The following DYNC2I1 variants were observed in gnomAD, a reference collection of about 807,000 sequenced individuals.
The protein encoded by DYNC2I1 is dynein 2 intermediate chain 1.
DYNC2I1 carries 89 observed loss-of-function variants against 133.4 expected under a neutral mutation model. The observed-to-expected ratio is 0.67, with a 90% confidence interval of 0.56 to 0.80. The LOEUF (loss-of-function observed/expected upper bound fraction) is 0.80, where lower values mean the gene tolerates loss of function less well. DYNC2I1 is among the 30% of genes least tolerant of loss of function. The probability of loss-of-function intolerance (pLI) is 0.00; values close to 1 mark genes in which losing one functional copy is unlikely to be tolerated. For synonymous variants in DYNC2I1, 504 were observed against 484.3 expected, an observed-to-expected ratio of 1.04 and a Z score of -0.54; for missense variants, 1,291 against 1,314.5, an observed-to-expected ratio of 0.98 and a Z score of 0.28.
chr7:158,948,747 C>T (rs149050307), downstream of DYNC2I1, among the ~76,000 whole-genome samples: 921 of 152,276 alleles, frequency 6.0e-3, 4 homozygotes, highest in African/African-American at 0.021. Flanking sequence ...TTCCATTTGA[C>T]GTAAACTGGA....
Position 158,902,565 on chromosome 7 carries a change from A to G in DYNC2I1, c.1327A>G (p.Arg443Gly), listed in dbSNP as rs1846357667. ...TTTGAAACTGTTTCAGAAGCGAGGT[A>G]GAACAGAATTTGAAAAGGAGCCCAG... is the stretch of plus-strand genomic sequence containing the variant. ...LSLKLFQKRG[R>G]TEFEKEPRTD... Residue 443 changes from arginine to glycine, a missense_variant, in exon 10 of 25, where the codon AGA becomes GGA. Physicochemically the swap from Arg to Gly is moderately radical, Grantham distance 125 (BLOSUM62 -2). Coordinates refer to ENST00000407559, the MANE Select transcript of DYNC2I1 (RefSeq NM_018051.5). 6.2e-7 allele frequency: 1 copy of G among 1,613,894 alleles called. No homozygotes were observed. Among genetic ancestry groups the G allele is most frequent in the Non-Finnish European group, 8.5e-7 (1 of 1,179,900 alleles).
chr7:158,882,671 G>A (rs576471473), intron 5 of DYNC2I1, among the ~76,000 whole-genome samples: 1 of 151,900 alleles, frequency 6.6e-6, no homozygotes. Context: ...TCAGGAGTTC[G>A]AGACCAGCCT....
At chr7:158,865,354 G>A (rs1842312610) in intron 1 of DYNC2I1, among the ~76,000 whole-genome samples, 1 of 152,210 alleles carries the variant, frequency 6.6e-6, no homozygotes, top group African/African-American at 2.4e-5. Flanking sequence ...TCAAAGGGAT[G>A]TAAACATTGT....
intron 14 of DYNC2I1, among the ~76,000 whole-genome samples, chr7:158,917,701 A>T (rs1585161182): frequency 6.7e-6 from 1 of 149,174 alleles, no homozygotes; most frequent in Non-Finnish European, 1.5e-5. Flanking sequence ...CTCACTAAAC[A>T]CCCCCTGCCC....
At chr7:158,946,729 G>T (rs1851897127), downstream of DYNC2I1, among the ~76,000 whole-genome samples, 1 of 152,238 alleles carries the variant, frequency 6.6e-6, no homozygotes, top group South Asian at 2.1e-4. Flanking sequence ...CTGGGGTGAG[G>T]ACAGGAAAAT....
chr7:158,904,957 A>G (rs1585100147), intron 10 of DYNC2I1: 4 of 276,540 alleles, frequency 1.4e-5, no homozygotes, highest in East Asian at 1.1e-4. Flanking sequence ...GTGCAAACCA[A>G]TATCCAAAAG....
Position 158,922,681 on chromosome 7 carries a change from C to T in DYNC2I1, c.2094+132C>T, listed in dbSNP as rs542918301. Reference sequence around the variant, plus strand: ...TGGGTAGGGACTTATGGGCCATTCTCTGTCTCTCACAGCTGGCCTCAGCTG... The same window carrying T: ...TGGGTAGGGACTTATGGGCCATTCTTTGTCTCTCACAGCTGGCCTCAGCTG... On this transcript the variant is annotated intron_variant, in intron 16 of 24. Transcript: ENST00000407559. 430 of 851,942 alleles carry T rather than the reference C, an allele frequency of 5.0e-4. 2 individuals are homozygous for T. Among genetic ancestry groups the T allele is most frequent in the Middle Eastern group, 2.9e-3 (8 of 2,762 alleles). The allele number at this position is 851,942 out of a possible 1,614,324, so 52.8% of individuals were successfully genotyped here.
chr7:158,886,950 T>A (rs1270555366), intron 6 of DYNC2I1, 71 bp from the exon 7 acceptor site: 2 of 1,406,076 alleles, frequency 1.4e-6, no homozygotes, highest in Non-Finnish European at 2.0e-6. Context: ...TTCACTGATA[T>A]GGAAAATGTT....
intron 10 of DYNC2I1, chr7:158,902,877 G>A (rs2129483656): frequency 2.6e-6 from 1 of 385,776 alleles, no homozygotes; most frequent in Non-Finnish European, 4.7e-6. Context: ...CCCACTCAGT[G>A]AGCACTGATG....
intron 23 of DYNC2I1, 108 bp downstream of exon 23, chr7:158,934,657 T>A (rs756760928): frequency 2.3e-5 from 28 of 1,209,948 alleles, no homozygotes; most frequent in Non-Finnish European, 2.9e-5. Flanking sequence ...CATAGCTCAC[T>A]GCAGCCTTGA....
intron 1 of DYNC2I1, among the ~76,000 whole-genome samples, chr7:158,864,371 A>G (rs1366991047): frequency 6.6e-6 from 1 of 152,118 alleles, no homozygotes; most frequent in Non-Finnish European, 1.5e-5. Context: ...CTCAGGCTGG[A>G]GAGTGCCTTT....
intron 1 of DYNC2I1, among the ~76,000 whole-genome samples, chr7:158,861,727 G>A (rs960114753): frequency 1.4e-4 from 21 of 152,218 alleles, no homozygotes; most frequent in African/African-American, 5.1e-4. Flanking sequence ...GGAGTACAGA[G>A]TGTTAGAAGC....
the DYNC2I1 span, among the ~76,000 whole-genome samples, chr7:158,844,467 G>A: frequency 6.6e-6 from 1 of 152,070 alleles, no homozygotes; most frequent in Non-Finnish European, 1.5e-5. Context: ...GTGGGTGGGT[G>A]ATAAGGAAAA....
At chr7:158,876,447 C>T (rs1207483363) in intron 3 of DYNC2I1, among the ~76,000 whole-genome samples, 162 bp from the exon 4 acceptor site, 1 of 152,174 alleles carries the variant, frequency 6.6e-6, no homozygotes, top group East Asian at 1.9e-4. Flanking sequence ...GATACTAGAA[C>T]TCTTCATTCT....
At chr7:158,878,487 GGA>G (rs1454430828) in intron 4 of DYNC2I1, among the ~76,000 whole-genome samples, 7 of 140,496 alleles carry the variant, frequency 5.0e-5, no homozygotes, top group African/African-American at 1.6e-4. Flanking sequence ...GGTGCCATGT[GGA>G]GGGGCCAGGA....
intron 10 of DYNC2I1, chr7:158,904,461 G>A (rs773950802): frequency 5.9e-5 from 9 of 152,198 alleles, no homozygotes; most frequent in South Asian, 2.1e-4. Context: ...ACACCATGGC[G>A]TTTGAAAGCC....
intron 4 of DYNC2I1, among the ~76,000 whole-genome samples, chr7:158,953,095 A>G (rs1442503217): frequency 6.6e-6 from 1 of 152,154 alleles, no homozygotes; most frequent in Non-Finnish European, 1.5e-5. Flanking sequence ...GGGAATTCTC[A>G]GCACCTGTAG....
chr7:158,945,803 T>C lies in DYNC2I1; in HGVS notation c.*24T>C. On this transcript the variant is annotated 3_prime_UTR_variant, in exon 25 of 25. Transcript: ENST00000407559. This position sits in a 1 kb window ranked among gnomAD's most constrained non-coding sequence, Gnocchi z 4.1. ...AGCGGGTGTGGCTGAGAGGACCGCGTTTCTGTAATGACCCAGATTTAAAAG... is the reference window on the plus strand; with the variant it reads ...AGCGGGTGTGGCTGAGAGGACCGCGCTTCTGTAATGACCCAGATTTAAAAG... 1 of 1,499,776 alleles carries C rather than the reference T, an allele frequency of 6.7e-7. No individual in the cohort carries two copies. The highest frequency in any genetic ancestry group is 8.9e-7 in the Non-Finnish European group (1 of 1,125,952). 92.9% of individuals were successfully genotyped at this position (1,499,776 alleles called of 1,614,324 possible).
intron 6 of DYNC2I1, among the ~76,000 whole-genome samples, chr7:158,885,712 A>G (rs1254395046): frequency 6.6e-6 from 1 of 152,196 alleles, no homozygotes; most frequent in African/African-American, 2.4e-5. Context: ...ATCGTTTTTC[A>G]AAGATTAGAA....
Sources: gnomAD v4.1 joint callset for allele counts (sites outside exome capture counted in the v4.1 genomes callset) on GRCh38, gnomAD v4.1.1 for gene constraint, Gnocchi (gnomAD v3.1) non-coding constraint, MANE v1.5 for transcripts, NCBI Gene and HGNC (gene_info 2026-07-23, HGNC 2026-07-21) for gene names.